Variants in CFAP184 observed in about 807,000 individuals in gnomAD.
CFAP184 encodes the protein cilia and flagella associated protein 184, also known as cilia- and flagella-associated protein 184.
the CFAP184 span, chr4:7,042,189 C>G: frequency 5.0e-6 from 8 of 1,600,468 alleles, no homozygotes; most frequent in Non-Finnish European, 6.8e-6. Flanking sequence ...AGATCTTGTG[C>G]TGCAGGTATA....
chr4:7,042,432 T>G, the CFAP184 span: 1 of 1,611,822 alleles, frequency 6.2e-7, no homozygotes, highest in African/African-American at 1.3e-5. Flanking sequence ...CCTTGTCCTC[T>G]TCCTCCCCCT....
the CFAP184 span, chr4:7,041,489 C>T: frequency 1.2e-6 from 2 of 1,614,112 alleles, no homozygotes; most frequent in African/African-American, 2.7e-5. Flanking sequence ...CCCTCTCGGG[C>T]TTGCTTCGTC....
the CFAP184 span, chr4:7,040,925 T>G: frequency 3.9e-5 from 8 of 204,554 alleles, no homozygotes; most frequent in East Asian, 7.0e-4. Context: ...GCTGAACTTT[T>G]AAACCCTCCT....
the CFAP184 span, chr4:7,041,780 C>A: frequency 6.2e-7 from 1 of 1,612,560 alleles, no homozygotes; most frequent in South Asian, 1.1e-5. Context: ...TCAAAATGCA[C>A]CAGGCTCTGC....
At chr4:7,042,074 C>T in the CFAP184 span, 19 of 1,610,422 alleles carry the variant, frequency 1.2e-5, no homozygotes, top group Admixed American at 1.7e-5. Flanking sequence ...TCCAGCATGC[C>T]CAGATGGCGC....
the CFAP184 span, chr4:7,041,673 A>T: frequency 6.2e-7 from 1 of 1,614,118 alleles, no homozygotes; most frequent in East Asian, 2.2e-5. Flanking sequence ...TTCGTTCCTC[A>T]ATTTTCTCAT....
At chr4:7,042,342 C>T in the CFAP184 span, 5 of 1,607,598 alleles carry the variant, frequency 3.1e-6, no homozygotes, top group Non-Finnish European at 4.2e-6. Flanking sequence ...CATAGAGGCG[C>T]TTCCCCTCTT....
the CFAP184 span, chr4:7,041,679 C>T: frequency 6.2e-7 from 1 of 1,614,206 alleles, no homozygotes; most frequent in Non-Finnish European, 8.5e-7. Context: ...CCTCAATTTT[C>T]TCATTGAAGG....
the CFAP184 span, chr4:7,042,167 G>A: frequency 1.3e-6 from 2 of 1,598,382 alleles, no homozygotes; most frequent in Non-Finnish European, 1.7e-6. Flanking sequence ...TTCTTTCTGC[G>A]CAGCGCCTCG....
At chr4:7,042,465 C>G in the CFAP184 span, 1 of 1,610,868 alleles carries the variant, frequency 6.2e-7, no homozygotes, top group Non-Finnish European at 8.5e-7. Flanking sequence ...TCTCGGCCTC[C>G]GGGGCTGCAG....
At chr4:7,041,954 G>A in the CFAP184 span, 1 of 1,612,450 alleles carries the variant, frequency 6.2e-7, no homozygotes, top group African/African-American at 1.3e-5. Context: ...GCCTGGAAGC[G>A]TCGCCACTCC....
chr4:7,042,466 G>A, the CFAP184 span: 2 of 1,610,674 alleles, frequency 1.2e-6, no homozygotes, highest in Admixed American at 1.7e-5. Context: ...CTCGGCCTCC[G>A]GGGCTGCAGC....
the CFAP184 span, chr4:7,042,858 C>T: frequency 4.5e-6 from 7 of 1,572,988 alleles, no homozygotes; most frequent in Admixed American, 7.0e-5. Context: ...TGGCCTTGAT[C>T]TTGGACGGCC....
chr4:7,042,884 C>A, the CFAP184 span: 1 of 1,559,072 alleles, frequency 6.4e-7, no homozygotes, highest in South Asian at 1.2e-5. Flanking sequence ...GCCAGGCTTT[C>A]CCCGTCTCCG....
the CFAP184 span, chr4:7,042,864 C>T: frequency 1.6e-4 from 248 of 1,569,312 alleles, no homozygotes; most frequent in Non-Finnish European, 2.1e-4. Flanking sequence ...TGATCTTGGA[C>T]GGCCGCGCGG....
At chr4:7,040,929 C>T in the CFAP184 span, 1 of 205,212 alleles carries the variant, frequency 4.9e-6, no homozygotes, top group Non-Finnish European at 9.6e-6. Flanking sequence ...AACTTTTAAA[C>T]CCTCCTACAT....
chr4:7,042,986 G>A, the CFAP184 span: 1 of 1,381,492 alleles, frequency 7.2e-7, no homozygotes, highest in Non-Finnish European at 9.4e-7. Context: ...GACGCTGTTA[G>A]GTTTCCCGGG....
At chr4:7,042,821 G>A in the CFAP184 span, 2 of 1,569,312 alleles carry the variant, frequency 1.3e-6, no homozygotes, top group East Asian at 2.4e-5. Context: ...AGCTCCCCGG[G>A]TTCGGGAGAG....
the CFAP184 span, chr4:7,041,168 G>A: frequency 1.4e-6 from 2 of 1,470,544 alleles, no homozygotes; most frequent in East Asian, 2.3e-5. Flanking sequence ...ATAGAGTCCC[G>A]TCCCAAATGA....
Sources: gnomAD v4.1 joint callset for allele counts on GRCh38, gnomAD v4.1.1 for gene constraint, MANE v1.5 for transcripts, NCBI Gene and HGNC (gene_info 2026-07-23, HGNC 2026-07-21) for gene names.